The following BRWD3 variants were observed in gnomAD, a reference collection of about 807,000 sequenced individuals.
BRWD3 encodes the protein bromodomain and WD repeat-containing protein 3.
A neutral mutation model predicts 149.7 loss-of-function variants in BRWD3; 10 were observed. That is an observed-to-expected ratio of 0.07 (90% CI 0.04 to 0.11). The LOEUF (loss-of-function observed/expected upper bound fraction) is 0.11, where lower values mean the gene tolerates loss of function less well. Ranked by LOEUF, BRWD3 falls within the 10% of genes least tolerant of loss-of-function variation. BRWD3 has a pLI of 1.00. For missense variants in BRWD3, 940 were observed against 1,373.2 expected, an observed-to-expected ratio of 0.68 and a Z score of 4.99; for synonymous variants, 504 against 456.7, an observed-to-expected ratio of 1.10 and a Z score of -1.32.
At chrX:80,769,793 A>T (rs762749550) in intron 6 of BRWD3, among the ~76,000 whole-genome samples, 2 of 111,068 alleles carry the variant, frequency 1.8e-5, no homozygotes, top group Admixed American at 9.6e-5. Flanking sequence ...CAAAAAAAAA[A>T]AATCAATGAA....
At chrX:80,687,123 T>C (rs1048168502) in intron 34 of BRWD3, 120 bp from the exon 35 acceptor site, 3 of 392,775 alleles carry the variant, frequency 7.6e-6, no homozygotes, top group Admixed American at 6.2e-5. Context: ...TATATATATA[T>C]GGCAGCTGCT....
intron 15 of BRWD3, among the ~76,000 whole-genome samples, 188 bp from the exon 16 acceptor site, chrX:80,724,064 G>A (rs183780336): frequency 8.9e-6 from 1 of 112,028 alleles, no homozygotes; most frequent in East Asian, 2.8e-4. Flanking sequence ...GAGGCAAATT[G>A]CAATGGATGA....
At position 80,691,237 on chromosome X, in the gene BRWD3, C is replaced by T. The variant is rs2072607366; in HGVS notation, c.3482-64G>A. 2.7e-5 allele frequency: 30 copies of T among 1,096,828 alleles called. No homozygotes were observed. The South Asian group carries it at 5.6e-4, about 20-fold the overall frequency. 90.4% of individuals were successfully genotyped at this position (1,096,828 alleles called of 1,213,427 possible). On this transcript the variant is annotated intron_variant, in intron 30 of 40. Transcript: ENST00000373275. Reference sequence around the variant, plus strand: ...GACATTAACATCTCATGGTAACAAACATTTATTCATATATAAACAAGAAGG... The same window carrying T: ...GACATTAACATCTCATGGTAACAAATATTTATTCATATATAAACAAGAAGG...
intron 6 of BRWD3, among the ~76,000 whole-genome samples, chrX:80,783,075 A>C (rs2074071978): frequency 9.0e-6 from 1 of 111,122 alleles, no homozygotes; most frequent in Non-Finnish European, 1.9e-5. Flanking sequence ...ATCATGGATC[A>C]TCAGAGAAAT....
chrX:80,761,531 T>G (rs2073802298), intron 6 of BRWD3, among the ~76,000 whole-genome samples: 2 of 111,588 alleles, frequency 1.8e-5, no homozygotes, highest in East Asian at 2.8e-4. Context: ...TATACTAAAC[T>G]TAAGGTTTAA....
At chrX:80,809,419 A>AC in intron 1 of BRWD3, 22 bp downstream of exon 1, 2 of 804,460 alleles carry the variant, frequency 2.5e-6, no homozygotes, top group Non-Finnish European at 1.8e-6. Context: ...GCACCCCCCC[A>AC]CCCCCCGACA....
chrX:80,687,557 T>C (rs184673698), intron 34 of BRWD3, among the ~76,000 whole-genome samples: 1 of 111,595 alleles, frequency 9.0e-6, no homozygotes, highest in East Asian at 2.8e-4. Context: ...AGGCCAGGAT[T>C]TGCTTGCAAG....
intron 6 of BRWD3, among the ~76,000 whole-genome samples, chrX:80,775,654 G>T (rs928933784): frequency 9.0e-6 from 1 of 111,586 alleles, no homozygotes; most frequent in African/African-American, 3.3e-5. Context: ...TGTGCAAAGA[G>T]CACTAGATTT....
At chrX:80,681,967 C>T (rs1361080431) in intron 39 of BRWD3, 30 bp downstream of exon 39, 1 of 1,107,462 alleles carries the variant, frequency 9.0e-7, no homozygotes. Flanking sequence ...AACCGAGATG[C>T]AGAACACCAA....
chrX:80,725,881 A>G (rs1025214716), intron 14 of BRWD3, among the ~76,000 whole-genome samples: 4 of 109,488 alleles, frequency 3.7e-5, no homozygotes, highest in African/African-American at 6.7e-5. Context: ...TACATGTGTT[A>G]CATGCCTATA....
intron 6 of BRWD3, among the ~76,000 whole-genome samples, chrX:80,789,772 TC>T (rs1386936127): frequency 8.1e-5 from 9 of 110,553 alleles, no homozygotes; most frequent in Non-Finnish European, 1.1e-4. Context: ...ATTTAACTTT[TC>T]CCCATTTTTA....
intron 6 of BRWD3, among the ~76,000 whole-genome samples, chrX:80,756,502 C>CAAAAAAAAAAA (rs974549325): frequency 1.5e-3 from 62 of 41,243 alleles, no homozygotes; most frequent in East Asian, 3.1e-3. Context: ...AACTCTGTCT[C>CAAAAAAAAAAA]AAAAAAAAAA....
At chrX:80,767,817 A>G (rs937639845) in intron 6 of BRWD3, among the ~76,000 whole-genome samples, 9 of 111,781 alleles carry the variant, frequency 8.1e-5, no homozygotes. Context: ...ATTGCAAGGA[A>G]GCTAAAAACT....
Position 80,671,123 on chromosome X carries a change from T to C in BRWD3, c.*5486A>G, listed in dbSNP as rs1295289772. 6.3e-5 allele frequency: 7 copies of C among 111,517 alleles called. No individual in the cohort carries two copies. Among genetic ancestry groups the C allele is most frequent in the Non-Finnish European group, 9.4e-5 (5 of 53,149 alleles). The allele number at this position is 111,517 out of a possible 1,213,427, so 9.2% of individuals were successfully genotyped here. A position where few individuals can be genotyped will look rare whatever the true frequency, so the allele number is the denominator to read the frequency against. ...TAATCTTACTATACATTTTAAAATG[T>C]CAGGTACATATAACTCAGCTGTTAA... On this transcript the variant is annotated 3_prime_UTR_variant, in exon 41 of 41. Transcript: ENST00000373275.
At position 80,690,703 on chromosome X, in the gene BRWD3, C is replaced by T. The variant is rs1437857333; in HGVS notation, c.3602+350G>A. 8.1e-5 allele frequency among the ~76,000 whole-genome samples: 9 copies of T among 111,243 alleles called. No homozygotes were observed. The East Asian group carries it at 2.5e-3, about 32-fold the overall frequency. ...AGTGCTGGTAACTAAATCTAATTAACTCTGACCAAATTCTCCAACAGAGGA... is the reference window on the plus strand; with the variant it reads ...AGTGCTGGTAACTAAATCTAATTAATTCTGACCAAATTCTCCAACAGAGGA... On this transcript the variant is annotated intron_variant, in intron 31 of 40. Transcript: ENST00000373275.
intron 26 of BRWD3, 107 bp from the exon 27 acceptor site, chrX:80,696,097 C>G (rs2072687527): frequency 1.5e-6 from 1 of 656,818 alleles, no homozygotes; most frequent in African/African-American, 2.2e-5. Context: ...GAAAAGTTTG[C>G]AAACCTCACA....
intron 12 of BRWD3, among the ~76,000 whole-genome samples, chrX:80,731,205 T>C (rs1178827531): frequency 4.5e-5 from 5 of 111,853 alleles, no homozygotes; most frequent in Non-Finnish European, 9.4e-5. Flanking sequence ...TTCATTATCT[T>C]GTCATTCTGA....
At chrX:80,755,950 T>C (rs748117945) in intron 6 of BRWD3, among the ~76,000 whole-genome samples, 1 of 112,028 alleles carries the variant, frequency 8.9e-6, no homozygotes, top group East Asian at 2.8e-4. Flanking sequence ...CCAACTGCTT[T>C]GTGTTAAAAG....
At chrX:80,772,022 A>C (rs1378575900) in intron 6 of BRWD3, among the ~76,000 whole-genome samples, 1 of 111,848 alleles carries the variant, frequency 8.9e-6, no homozygotes, top group African/African-American at 3.3e-5. Flanking sequence ...TGTTGGTGGG[A>C]GTGTAAACTA....
Sources: gnomAD v4.1 joint callset for allele counts (sites outside exome capture counted in the v4.1 genomes callset) on GRCh38, gnomAD v4.1.1 for gene constraint, MANE v1.5 for transcripts, NCBI Gene and HGNC (gene_info 2026-07-23, HGNC 2026-07-21) for gene names.